UNC13B: variants seen among roughly 807,000 people sequenced by gnomAD.
UNC13B encodes the protein protein unc-13 homolog B.
In UNC13B, 144 loss-of-function variants were observed where a neutral mutation model predicts 211.0. That is an observed-to-expected ratio of 0.68 (90% CI 0.60 to 0.78). UNC13B has a LOEUF of 0.78. UNC13B is among the 30% of genes least tolerant of loss of function. The probability of loss-of-function intolerance (pLI) is 0.00; values close to 1 mark genes in which losing one functional copy is unlikely to be tolerated. For synonymous variants in UNC13B, 709 were observed against 725.8 expected (o/e 0.98, Z 0.37); for missense variants, 1,777 against 2,002.0 (o/e 0.89, Z 2.14).
intron 1 of UNC13B, among the ~76,000 whole-genome samples, chr9:35,169,304 T>G (rs1382159340): frequency 6.6e-6 from 1 of 152,154 alleles, no homozygotes; most frequent in Non-Finnish European, 1.5e-5. Flanking sequence ...TAGTGAGCCA[T>G]GTTCATGCCA....
rs1218430813 is a variant in UNC13B at position 35,376,185 on chromosome 9, G to A, written c.9773G>A (p.Ser3258Asn). 2 of 1,614,176 alleles carry A rather than the reference G, an allele frequency of 1.2e-6. No homozygotes were observed. Among genetic ancestry groups the A allele is most frequent in the Non-Finnish European group, 1.7e-6 (2 of 1,180,034 alleles). The change falls in exon 15 of 40, where the codon AGC (serine) becomes AAC (asparagine). Residue 3258 changes from serine to asparagine, a missense_variant. Transcript: ENST00000635942. The part of the protein sequence containing the change: ...WGIARQGMRC[S>N]ECGVKCHEKC... ...ATTGCCCGGCAGGGCATGCGCTGCA[G>A]CGAATGTGGAGTCAAGTGCCATGAG...
chr9:35,369,711 G>A (rs1833995508), intron 12 of UNC13B, among the ~76,000 whole-genome samples: 1 of 152,078 alleles, frequency 6.6e-6, no homozygotes, highest in African/African-American at 2.4e-5. Flanking sequence ...TGGTCTTTTG[G>A]AAGTCTCTCA....
intron 11 of UNC13B, among the ~76,000 whole-genome samples, chr9:35,358,953 G>A (rs977386501): frequency 2.0e-5 from 3 of 151,890 alleles, no homozygotes; most frequent in Non-Finnish European, 4.4e-5. Context: ...TCCCACCTTG[G>A]CTTCCCAAAG....
chr9:35,243,212 C>T (rs996182543), intron 5 of UNC13B, 79 bp from the exon 6 acceptor site: 3 of 1,395,802 alleles, frequency 2.1e-6, no homozygotes, highest in Admixed American at 3.4e-5. Context: ...AGTCATTAGA[C>T]AGAGTAAAGT....
chr9:35,297,561 T>TTTGTTTTTTTTTGTTTTTTTG (rs1554698738), intron 8 of UNC13B, among the ~76,000 whole-genome samples: 1 of 128,164 alleles, frequency 7.8e-6, no homozygotes, highest in Non-Finnish European at 1.7e-5. Context: ...TTTTTTTTTT[T>TTTGTTTTTTTTTGTTTTTTTG]TTTTTTGAGA....
chr9:35,216,547 G>A (rs1032689664), intron 1 of UNC13B, among the ~76,000 whole-genome samples: 3 of 152,120 alleles, frequency 2.0e-5, no homozygotes, highest in African/African-American at 7.2e-5. Flanking sequence ...TTAAAAGATG[G>A]TGAAAGAGGA....
intron 11 of UNC13B, chr9:35,353,429 G>C: frequency 8.1e-7 from 1 of 1,232,338 alleles, no homozygotes; most frequent in Non-Finnish European, 1.0e-6. Flanking sequence ...AGTGAGTTCA[G>C]GGGGTGCCCA....
At chr9:35,249,177 C>G (rs1826296415) in intron 6 of UNC13B, among the ~76,000 whole-genome samples, 2 of 152,120 alleles carry the variant, frequency 1.3e-5, no homozygotes, top group Non-Finnish European at 1.5e-5. Flanking sequence ...AGGATTGCAA[C>G]CCCTGCCTTT....
intron 7 of UNC13B, among the ~76,000 whole-genome samples, chr9:35,260,295 T>A (rs1174775323): frequency 6.6e-6 from 1 of 152,198 alleles, no homozygotes; most frequent in Non-Finnish European, 1.5e-5. Flanking sequence ...TCTGAGACTT[T>A]AAGTATTCTA....
chr9:35,401,926 C>T (rs1331935354), intron 37 of UNC13B: 1 of 1,549,606 alleles, frequency 6.5e-7, no homozygotes, highest in African/African-American at 1.4e-5. Flanking sequence ...CTGCTACTAC[C>T]TCTGACTTGC....
At chr9:35,377,301 A>G (rs1834487411) in intron 15 of UNC13B, among the ~76,000 whole-genome samples, 167 bp from the exon 16 acceptor site, 1 of 152,222 alleles carries the variant, frequency 6.6e-6, no homozygotes, top group African/African-American at 2.4e-5. Flanking sequence ...ATCCATCATG[A>G]AGGGGTGGCA....
chr9:35,298,278 G>T (rs952677542), intron 8 of UNC13B, among the ~76,000 whole-genome samples: 1 of 152,174 alleles, frequency 6.6e-6, no homozygotes, highest in Non-Finnish European at 1.5e-5. Flanking sequence ...AAATTAGCTG[G>T]ATGTGGTGGC....
chr9:35,228,167 T>A, intron 2 of UNC13B, 123 bp downstream of exon 2: 1 of 929,510 alleles, frequency 1.1e-6, no homozygotes, highest in Non-Finnish European at 1.6e-6. Context: ...ACTAAATTAA[T>A]TCATGAAATC....
In UNC13B at chr9:35,307,684, A is replaced by G. The variant is rs1433153541; in HGVS notation, c.8280A>G (p.Arg2760=). ...PVVPQETEQS[R]PRFEIPNVTT... ...TACCCCAGGAAACAGAGCAGTCAAG[A>G]CCACGTTTTGAGATCCCAAATGTGA... Residue 2760 remains arginine (R), a synonymous_variant, in exon 9 of 40, where the codon AGA becomes AGG. Transcript: ENST00000635942. The G allele has an allele frequency of 9.0e-5, 36 of 399,024 alleles. No homozygotes were observed. The East Asian group carries it at 1.2e-3, about 13-fold the overall frequency. The allele number at this position is 399,024 out of a possible 1,614,324, so 24.7% of individuals were successfully genotyped here. A position where few individuals can be genotyped will look rare whatever the true frequency, so the allele number is the denominator to read the frequency against.
chr9:35,371,386 C>T (rs1484756707), intron 13 of UNC13B, among the ~76,000 whole-genome samples: 1 of 147,792 alleles, frequency 6.8e-6, no homozygotes, highest in Non-Finnish European at 1.5e-5. Context: ...GTCCCTGTTA[C>T]CCAGGCTGGT....
intron 5 of UNC13B, among the ~76,000 whole-genome samples, chr9:35,240,340 G>C (rs1825739134): frequency 6.6e-6 from 1 of 152,064 alleles, no homozygotes; most frequent in Non-Finnish European, 1.5e-5. Flanking sequence ...TGTTATTGCT[G>C]TCATTTTATG....
In UNC13B at chr9:35,382,478, T is replaced by C. The variant is rs779042786; in HGVS notation, c.10777T>C (p.Ser3593Pro). ...HTTASTNVSASDRFAASNFGK... is the reference protein window; with the variant it reads ...HTTASTNVSAPDRFAASNFGK... Reference sequence around the variant, plus strand: ...AACTGCCTCTACCAATGTCTCTGCATCTGATCGCTTTGCAGCCTCCAACTT... The same window carrying C: ...AACTGCCTCTACCAATGTCTCTGCACCTGATCGCTTTGCAGCCTCCAACTT... Residue 3593 changes from serine (S) to proline (P), a missense_variant, in exon 21 of 40, where the codon TCT (serine) becomes CCT (proline). Ser to Pro is a moderately conservative substitution (Grantham distance 74). Transcript: ENST00000635942. 1 of 1,614,082 alleles carries C rather than the reference T, an allele frequency of 6.2e-7. No homozygotes were observed. Among genetic ancestry groups the C allele is most frequent in the South Asian group, 1.1e-5 (1 of 91,066 alleles).
At chr9:35,214,209 C>T (rs1824128886) in intron 1 of UNC13B, among the ~76,000 whole-genome samples, 1 of 152,150 alleles carries the variant, frequency 6.6e-6, no homozygotes, top group Non-Finnish European at 1.5e-5. Context: ...GAGTGGATCA[C>T]CTGAGGTCAG....
In UNC13B at chr9:35,306,257, A is replaced by G. The variant is rs775280939; in HGVS notation, c.6853A>G (p.Ile2285Val). The G allele has an allele frequency of 2.5e-6, 1 of 399,084 alleles. No homozygotes were observed. Among genetic ancestry groups the G allele is most frequent in the Non-Finnish European group, 4.4e-6 (1 of 226,078 alleles). The allele number at this position is 399,084 out of a possible 1,614,324, so 24.7% of individuals were successfully genotyped here. The change falls in exon 9 of 40, where the codon ATT (isoleucine) becomes GTT (valine). Residue 2285 changes from isoleucine (I) to valine (V), a missense_variant. Physicochemically the swap from Ile to Val is conservative, Grantham distance 29. Transcript: ENST00000635942. ...VVHEQQMAPC[I>V]SINNTIEVTS... ...TCATGAACAGCAAATGGCACCTTGT[A>G]TTTCCATTAACAACACCATTGAGGT...
Sources: allele counts gnomAD v4.1 joint callset (sites outside exome capture counted in the v4.1 genomes callset), GRCh38; gene constraint gnomAD v4.1.1; transcripts MANE v1.5; gene names NCBI Gene and HGNC (gene_info 2026-07-23, HGNC 2026-07-21).